CNTLN: variants seen among roughly 807,000 people sequenced by gnomAD.
CNTLN encodes the protein centlein.
A neutral mutation model predicts 180.0 loss-of-function variants in CNTLN; 212 were observed. The ratio of observed to expected loss-of-function variants is 1.18; its 90% CI spans 1.05 to 1.32. The LOEUF (loss-of-function observed/expected upper bound fraction) is 1.32, where lower values mean the gene tolerates loss of function less well. CNTLN is among the 40% of genes most tolerant of loss of function. CNTLN has a pLI of 0.00. For synonymous variants in CNTLN, 722 were observed against 563.1 expected (o/e 1.28, Z -3.99); for missense variants, 2,095 against 1,610.9 (o/e 1.30, Z -5.14).
intron 16 of CNTLN, among the ~76,000 whole-genome samples, chr9:17,411,201 A>T (rs1827817004): frequency 6.6e-6 from 1 of 152,052 alleles, no homozygotes; most frequent in Non-Finnish European, 1.5e-5. Context: ...CCTGGCCTGG[A>T]TACCTGAAAT....
chr9:17,428,093 C>G (rs1035989620), intron 18 of CNTLN, among the ~76,000 whole-genome samples: 2 of 152,128 alleles, frequency 1.3e-5, no homozygotes, highest in African/African-American at 4.8e-5. Context: ...TTAGATCACC[C>G]TTGTTCAAGG....
At chr9:17,348,496 C>T (rs1046726223) in intron 12 of CNTLN, among the ~76,000 whole-genome samples, 1 of 151,666 alleles carries the variant, frequency 6.6e-6, no homozygotes, top group Non-Finnish European at 1.5e-5. Context: ...GGTGAAAGTG[C>T]AGGCTTCTCA....
chr9:17,237,403 A>G (rs1172571310), intron 5 of CNTLN, among the ~76,000 whole-genome samples: 1 of 136,856 alleles, frequency 7.3e-6, no homozygotes, highest in African/African-American at 2.9e-5. Context: ...ACACACACAC[A>G]CACGGTTAGT....
At chr9:17,365,030 C>G (rs1389106885) in intron 12 of CNTLN, among the ~76,000 whole-genome samples, 1 of 152,140 alleles carries the variant, frequency 6.6e-6, no homozygotes, top group East Asian at 1.9e-4. Context: ...CTGTCGTTAG[C>G]TCATTTTTAT....
chr9:17,343,003 T>C (rs943524423), intron 12 of CNTLN, among the ~76,000 whole-genome samples: 5 of 152,200 alleles, frequency 3.3e-5, no homozygotes, highest in African/African-American at 1.2e-4. Context: ...GGTAGTGACC[T>C]GCAGAAGACA....
At chr9:17,505,589 G>A (rs952968903), downstream of CNTLN, among the ~76,000 whole-genome samples, 40 of 152,060 alleles carry the variant, frequency 2.6e-4, no homozygotes, top group Non-Finnish European at 1.0e-4. Flanking sequence ...AACATGCATA[G>A]TACTTGTGTA....
intron 6 of CNTLN, among the ~76,000 whole-genome samples, chr9:17,293,699 C>G (rs962352859): frequency 7.9e-5 from 12 of 152,324 alleles, no homozygotes; most frequent in African/African-American, 2.9e-4. Context: ...TCCCCGGGAA[C>G]TCAGGCATCT....
chr9:17,295,315 C>G (rs1343392790), intron 6 of CNTLN, among the ~76,000 whole-genome samples: 1 of 152,176 alleles, frequency 6.6e-6, no homozygotes, highest in Non-Finnish European at 1.5e-5. Flanking sequence ...TCAAGCGCCG[C>G]CAGAGTGGGC....
At chr9:17,201,492 A>G (rs1039050910) in intron 2 of CNTLN, among the ~76,000 whole-genome samples, 10 of 152,102 alleles carry the variant, frequency 6.6e-5, no homozygotes, top group Admixed American at 6.5e-4. Flanking sequence ...GTAGGCTATT[A>G]ATTGCTGCCT....
chr9:17,500,146 A>G (rs989066347), intron 25 of CNTLN, among the ~76,000 whole-genome samples: 3 of 152,240 alleles, frequency 2.0e-5, no homozygotes, highest in African/African-American at 7.2e-5. Flanking sequence ...TATCCTCTAT[A>G]AAAAGCTTAA....
At chr9:17,278,630 A>C (rs1474769451) in intron 6 of CNTLN, among the ~76,000 whole-genome samples, 2 of 152,142 alleles carry the variant, frequency 1.3e-5, no homozygotes, top group Non-Finnish European at 2.9e-5. Flanking sequence ...TTTACTGTAC[A>C]GCTTTTTTGG....
At chr9:17,304,659 C>T (rs1818585669) in intron 7 of CNTLN, among the ~76,000 whole-genome samples, 1 of 151,980 alleles carries the variant, frequency 6.6e-6, no homozygotes, top group Admixed American at 6.6e-5. Context: ...AGGGCATATC[C>T]CCATTCACAG....
At chr9:17,398,442 A>G (rs1160768302) in intron 15 of CNTLN, among the ~76,000 whole-genome samples, 1 of 152,124 alleles carries the variant, frequency 6.6e-6, no homozygotes, top group East Asian at 1.9e-4. Context: ...TGATTGGTGA[A>G]AGGAAAGGGG....
At chr9:17,166,941 A>C in intron 2 of CNTLN, 1 of 446,634 alleles carries the variant, frequency 2.2e-6, no homozygotes, top group Non-Finnish European at 4.6e-6. Context: ...GTGAAGATGA[A>C]AGAAGATTGA....
At chr9:17,312,553 A>T (rs1331858988) in intron 8 of CNTLN, among the ~76,000 whole-genome samples, 51 of 100,414 alleles carry the variant, frequency 5.1e-4, no homozygotes, top group African/African-American at 1.8e-3. Flanking sequence ...AGCCCGGCTA[A>T]TTTTTTTTTT....
At position 17,188,045 on chromosome 9, in the gene CNTLN, ATG is replaced by A. The variant is rs547692348; in HGVS notation, c.450-38156_450-38155del. ...ATATATATATATACACAGCATATTT[ATG>A]TATATATATAAATTGTAGTTTCCTT... On this transcript the variant is annotated intron_variant, in intron 2 of 25. Transcript: ENST00000380647. 2.2e-3 allele frequency among the ~76,000 whole-genome samples: 338 copies of A among 150,382 alleles called. 1 individual carries two copies. Among genetic ancestry groups the A allele is most frequent in the Non-Finnish European group, 3.6e-3 (245 of 67,516 alleles).
the CNTLN span, among the ~76,000 whole-genome samples, chr9:17,513,820 G>C: frequency 6.6e-6 from 1 of 152,094 alleles, no homozygotes; most frequent in South Asian, 2.1e-4. Context: ...ATATAACGAA[G>C]CTGATCTTTA....
At chr9:17,512,427 C>G in the CNTLN span, among the ~76,000 whole-genome samples, 2 of 152,174 alleles carry the variant, frequency 1.3e-5, no homozygotes, top group South Asian at 4.1e-4. Flanking sequence ...AACAGAAAGT[C>G]ACATACCACA....
At chr9:17,193,402 G>A (rs1182816056) in intron 2 of CNTLN, among the ~76,000 whole-genome samples, 1 of 152,168 alleles carries the variant, frequency 6.6e-6, no homozygotes, top group South Asian at 2.1e-4. Flanking sequence ...TGGGGGTACA[G>A]GTATTGGGTA....
Sources: gnomAD v4.1 joint callset for allele counts (sites outside exome capture counted in the v4.1 genomes callset) on GRCh38, gnomAD v4.1.1 for gene constraint, MANE v1.5 for transcripts, NCBI Gene and HGNC (gene_info 2026-07-23, HGNC 2026-07-21) for gene names.